The following CBLN1 variants were observed in gnomAD, a reference collection of about 807,000 sequenced individuals.
CBLN1 encodes cerebellin 1 precursor.
Under a neutral mutation model 15.9 loss-of-function variants are expected in CBLN1, and 5 were observed. The ratio of observed to expected loss-of-function variants is 0.31; its 90% CI spans 0.16 to 0.66. The LOEUF (loss-of-function observed/expected upper bound fraction) is 0.66, where lower values mean the gene tolerates loss of function less well. CBLN1 is among the 30% of genes least tolerant of loss of function. The probability of loss-of-function intolerance (pLI) is 0.75; values close to 1 mark genes in which losing one functional copy is unlikely to be tolerated. For synonymous variants in CBLN1, 90 were observed against 107.6 expected (o/e 0.84, Z 1.01); for missense variants, 164 against 253.7 (o/e 0.65, Z 2.40).
At position 49,278,821 on chromosome 16, in the gene CBLN1, C is replaced by T. The variant is rs1963226335; in HGVS notation, c.*583G>A. ...GTCACCACTAAGGTGAGTCCTTTCT[C>T]TGCTAACAAGCAGCCGAGGATACTA... On this transcript the variant is annotated 3_prime_UTR_variant, in exon 3 of 3. Coordinates refer to ENST00000219197, the MANE Select transcript of CBLN1 (RefSeq NM_004352.4). 2.0e-5 allele frequency: 3 copies of T among 152,688 alleles called. No individual in the cohort carries two copies. The South Asian group carries it at 6.2e-4, about 32-fold the overall frequency. The allele number at this position is 152,688 out of a possible 1,614,324, so 9.5% of individuals were successfully genotyped here. A position where few individuals can be genotyped will look rare whatever the true frequency, so the allele number is the denominator to read the frequency against.
At position 49,280,882 on chromosome 16, in the gene CBLN1, C is replaced by G. The variant is rs759636587; in HGVS notation, c.384+41G>C. The G allele has an allele frequency of 6.8e-6, 11 of 1,613,550 alleles. No individual in the cohort carries two copies. In the South Asian group the frequency reaches 1.2e-4, roughly 18 times the overall value. On this transcript the variant is annotated intron_variant, in intron 2 of 2. Coordinates refer to ENST00000219197, the MANE Select transcript of CBLN1 (RefSeq NM_004352.4). ...CCCGAGCACCCCTGAGGCCAGTAAC[C>G]CCCCTACGGGGCCAGGGCCCGGCAC...
chr16:49,281,565 T>A lies in CBLN1; in HGVS notation c.-100A>T. The A allele has an allele frequency of 1.3e-6, 1 of 772,818 alleles. No individual in the cohort carries two copies. Among genetic ancestry groups the A allele is most frequent in the Non-Finnish European group, 1.8e-6 (1 of 561,728 alleles). The allele number at this position is 772,818 out of a possible 1,614,324, so 47.9% of individuals were successfully genotyped here. ...CTCCGAAGCCCCCTCCTCAGCTCCG[T>A]GCGCAGCTCCGCCGCCGCCGCTCTG... On this transcript the variant is annotated 5_prime_UTR_variant, in exon 1 of 3. Coordinates refer to ENST00000219197, the MANE Select transcript of CBLN1 (RefSeq NM_004352.4).
At chr16:49,279,867 G>T (rs1432316128) in intron 2 of CBLN1, among the ~76,000 whole-genome samples, 1 of 152,086 alleles carries the variant, frequency 6.6e-6, no homozygotes, top group African/African-American at 2.4e-5. Flanking sequence ...AAATGAGCGC[G>T]CCAAGCGAAT....
chr16:49,281,122 G>A (rs573093004), intron 1 of CBLN1, 80 bp from the exon 2 acceptor site: 2 of 1,613,966 alleles, frequency 1.2e-6, no homozygotes, highest in South Asian at 2.2e-5. Flanking sequence ...AGAGCCCTTG[G>A]AGAGGACCGG....
At chr16:49,280,902 C>G in intron 2 of CBLN1, 21 bp downstream of exon 2, 1 of 1,614,058 alleles carries the variant, frequency 6.2e-7, no homozygotes, top group Non-Finnish European at 8.5e-7. Flanking sequence ...GGCCAGGGCC[C>G]GGCACGAGGC....
In CBLN1 at chr16:49,279,105, T is replaced by A; in HGVS notation, c.*299A>T. 1 of 421,444 alleles carries A rather than the reference T, an allele frequency of 2.4e-6. No individual in the cohort carries two copies. The highest frequency in any genetic ancestry group is 4.2e-6 in the Non-Finnish European group (1 of 236,906). The allele number at this position is 421,444 out of a possible 1,614,324, so 26.1% of individuals were successfully genotyped here. A position where few individuals can be genotyped will look rare whatever the true frequency, so the allele number is the denominator to read the frequency against. On this transcript the variant is annotated 3_prime_UTR_variant, in exon 3 of 3. Transcript: ENST00000219197. ...TAAATAAATTGCAGGGAACATGAAGTTGGGGGATAAGAAACAATGACAAGG... is the reference window on the plus strand; with the variant it reads ...TAAATAAATTGCAGGGAACATGAAGATGGGGGATAAGAAACAATGACAAGG...
Position 49,281,799 on chromosome 16 carries a change from A to C in CBLN1, c.-334T>G. Reference sequence around the variant, plus strand: ...GCTGCCGCCGCCGCCGCCGCTCTGAATTATTGATGCAGCCGGCGCTGCAGC... The same window carrying C: ...GCTGCCGCCGCCGCCGCCGCTCTGACTTATTGATGCAGCCGGCGCTGCAGC... On this transcript the variant is annotated 5_prime_UTR_variant, in exon 1 of 3. Coordinates refer to ENST00000219197, the MANE Select transcript of CBLN1 (RefSeq NM_004352.4). The C allele has an allele frequency of 3.9e-6, 1 of 255,714 alleles. No individual in the cohort carries two copies. Among genetic ancestry groups the C allele is most frequent in the Non-Finnish European group, 7.4e-6 (1 of 135,400 alleles). The allele number at this position is 255,714 out of a possible 1,614,324, so 15.8% of individuals were successfully genotyped here.
chr16:49,279,797 C>T (rs1214372517), intron 2 of CBLN1, among the ~76,000 whole-genome samples, 196 bp from the exon 3 acceptor site: 1 of 152,180 alleles, frequency 6.6e-6, no homozygotes, highest in Non-Finnish European at 1.5e-5. Context: ...AAAGACCACA[C>T]ATCTGGGTGA....
chr16:49,279,273 C>G lies in CBLN1; in HGVS notation c.*131G>C. ...CCCACAGCTGGCGCGCACCTTTTTACCCAGATACAGTTAGAGAACATGTAG... is the reference window on the plus strand; with the variant it reads ...CCCACAGCTGGCGCGCACCTTTTTAGCCAGATACAGTTAGAGAACATGTAG... On this transcript the variant is annotated 3_prime_UTR_variant, in exon 3 of 3. Transcript: ENST00000219197. 1 of 813,838 alleles carries G rather than the reference C, an allele frequency of 1.2e-6. No homozygotes were observed. The highest frequency in any genetic ancestry group is 1.7e-5 in the South Asian group (1 of 57,286). 50.4% of individuals were successfully genotyped at this position (813,838 alleles called of 1,614,324 possible). A position where few individuals can be genotyped will look rare whatever the true frequency, so the allele number is the denominator to read the frequency against.
chr16:49,280,759 G>A lies in CBLN1; in HGVS notation c.384+164C>T, dbSNP rs35606830. Among the ~76,000 whole-genome samples, 821 of 152,298 alleles carry A rather than the reference G, an allele frequency of 5.4e-3. 5 individuals carry two copies. Among genetic ancestry groups the A allele is most frequent in the Non-Finnish European group, 8.4e-3 (571 of 68,038 alleles). ...AGAGCCAGAGACAGGGAAAGCAGAGGACAGTTGAAGCCACAGAACTGAGAG... is the reference window on the plus strand; with the variant it reads ...AGAGCCAGAGACAGGGAAAGCAGAGAACAGTTGAAGCCACAGAACTGAGAG... On this transcript the variant is annotated intron_variant, in intron 2 of 2. Transcript: ENST00000219197.
In CBLN1 at chr16:49,281,520, C is replaced by T; in HGVS notation, c.-55G>A. 1.4e-5 allele frequency: 16 copies of T among 1,155,930 alleles called. No individual in the cohort carries two copies. In the South Asian group the frequency reaches 3.1e-4, roughly 23 times the overall value. The allele number at this position is 1,155,930 out of a possible 1,614,324, so 71.6% of individuals were successfully genotyped here. The stretch of plus-strand genomic sequence containing the variant: ...CCCCCAGGGCTGCTCGCGCCAGCCG[C>T]CCCCCCCGTCCCAGTCCCGCTCCGA... On this transcript the variant is annotated 5_prime_UTR_variant, in exon 1 of 3. Coordinates refer to ENST00000219197, the MANE Select transcript of CBLN1 (RefSeq NM_004352.4).
intron 1 of CBLN1, 45 bp from the exon 2 acceptor site, chr16:49,281,087 C>T (rs767796153): frequency 1.2e-6 from 2 of 1,614,160 alleles, no homozygotes; most frequent in Admixed American, 3.3e-5. Context: ...GAATCGGTCC[C>T]GGACTGTCGT....
Position 49,278,323 on chromosome 16 carries a change from C to A in CBLN1, c.*1081G>T, listed in dbSNP as rs1963220640. Reference sequence around the variant, plus strand: ...TACGTTTCCGCCAAAGCTGTGAACACAGGCGAATGCAGTGCTGGTCCCCGG... The same window carrying A: ...TACGTTTCCGCCAAAGCTGTGAACAAAGGCGAATGCAGTGCTGGTCCCCGG... On this transcript the variant is annotated 3_prime_UTR_variant, in exon 3 of 3. Coordinates refer to ENST00000219197, the MANE Select transcript of CBLN1 (RefSeq NM_004352.4). 1 of 152,286 alleles carries A rather than the reference C, an allele frequency of 6.6e-6. No homozygotes were observed. Among genetic ancestry groups the A allele is most frequent in the African/African-American group, 2.4e-5 (1 of 41,472 alleles). 9.4% of individuals were successfully genotyped at this position (152,286 alleles called of 1,614,324 possible). A position where few individuals can be genotyped will look rare whatever the true frequency, so the allele number is the denominator to read the frequency against.
rs759169079 is a variant in CBLN1 at position 49,279,359 on chromosome 16, TCCTGCCTTCGCCCTCTC to T, written c.*28_*44del. The T allele has an allele frequency of 1.9e-6, 3 of 1,576,478 alleles. No homozygotes were observed. In the African/African-American group the frequency reaches 4.0e-5, roughly 21 times the overall value. ...ATTTCAGCCTCTTTCTCACTCCCCT[TCCTGCCTTCGCCCTCTC>T]CCTGCCTCCCTTCCGGCTACGAGCC... On this transcript the variant is annotated 3_prime_UTR_variant, in exon 3 of 3. Coordinates refer to ENST00000219197, the MANE Select transcript of CBLN1 (RefSeq NM_004352.4).
rs375377776 is a variant in CBLN1, at chr16:49,280,889, C to A, written c.384+34G>T. On this transcript the variant is annotated intron_variant, in intron 2 of 2. Transcript: ENST00000219197. The stretch of plus-strand genomic sequence containing the variant: ...ACCCCTGAGGCCAGTAACCCCCCTA[C>A]GGGGCCAGGGCCCGGCACGAGGCGT... 2.0e-5 allele frequency: 33 copies of A among 1,613,780 alleles called. No individual in the cohort carries two copies. In the African/African-American group the frequency reaches 4.0e-4, roughly 20 times the overall value.
intron 2 of CBLN1, among the ~76,000 whole-genome samples, chr16:49,280,558 G>C (rs1054888464): frequency 1.3e-5 from 2 of 152,228 alleles, no homozygotes; most frequent in Admixed American, 6.5e-5. Context: ...GCAAGGGGTA[G>C]GGTGTACTGT....
Position 49,281,503 on chromosome 16 carries a change from G to T in CBLN1, c.-38C>A, listed in dbSNP as rs2151233924. The T allele has an allele frequency of 9.6e-7, 1 of 1,039,682 alleles. No individual in the cohort carries two copies. The highest frequency in any genetic ancestry group is 1.2e-6 in the Non-Finnish European group (1 of 839,122). The allele number at this position is 1,039,682 out of a possible 1,614,324, so 64.4% of individuals were successfully genotyped here. A position where few individuals can be genotyped will look rare whatever the true frequency, so the allele number is the denominator to read the frequency against. On this transcript the variant is annotated 5_prime_UTR_variant, in exon 1 of 3. Transcript: ENST00000219197. ...GCCCACCCCGCCCCCCACCCCCAGG[G>T]CTGCTCGCGCCAGCCGCCCCCCCCG...
rs1963288495 is a variant in CBLN1 at position 49,281,336 on chromosome 16, A to G, written c.130T>C (p.Ser44Pro). The change falls in exon 1 of 3, where the codon TCC (serine) becomes CCC (proline). Residue 44 changes from serine (S) to proline (P), a missense_variant. Ser to Pro is a moderately conservative substitution (Grantham distance 74, BLOSUM62 -1). Coordinates refer to ENST00000219197, the MANE Select transcript of CBLN1 (RefSeq NM_004352.4). ...CCCAGGGCAGTGCCCGTGGGGTCGG[A>G]CGTGGGGTTGGAGTCGCACACCACC... ...CLVVCDSNPT[S>P]DPTGTALGIS... 1 of 1,612,620 alleles carries G rather than the reference A, an allele frequency of 6.2e-7. No homozygotes were observed. Among genetic ancestry groups the G allele is most frequent in the Non-Finnish European group, 8.5e-7 (1 of 1,180,010 alleles).
chr16:49,281,058 A>T lies in CBLN1; in HGVS notation c.265-16T>A. 1.2e-6 allele frequency: 2 copies of T among 1,614,226 alleles called. No homozygotes were observed. The highest frequency in any genetic ancestry group is 1.6e-4 in the Middle Eastern group (1 of 6,062). On this transcript the variant is annotated splice_polypyrimidine_tract_variant and intron_variant, in intron 1 of 2. Transcript: ENST00000219197. ...TCACTAGTACCTATAACGAGACGGG[A>T]ACGAAGGGGAGTGGGCAGGAATCGG... is the stretch of plus-strand genomic sequence containing the variant.
Sources: allele counts gnomAD v4.1 joint callset (sites outside exome capture counted in the v4.1 genomes callset), GRCh38; gene constraint gnomAD v4.1.1; transcripts MANE v1.5; gene names NCBI Gene and HGNC (gene_info 2026-07-23, HGNC 2026-07-21).